The following MAST4 variants were observed in gnomAD, a reference collection of about 807,000 sequenced individuals.
MAST4 encodes the protein microtubule associated serine/threonine kinase family member 4.
Under a neutral mutation model 162.7 loss-of-function variants are expected in MAST4, and 89 were observed. The observed-to-expected ratio is 0.55, with a 90% confidence interval of 0.46 to 0.65. The LOEUF (loss-of-function observed/expected upper bound fraction) is 0.65. Among genes scored for constraint, MAST4 ranks in the 30% least tolerant of loss-of-function variants. MAST4 has a pLI of 0.00. For synonymous variants in MAST4, 1,479 were observed against 1,361.1 expected (o/e 1.09, Z -1.91); for missense variants, 3,153 against 3,374.0 (o/e 0.93, Z 1.62).
At chr5:66,863,162 G>C (rs775637206) in intron 3 of MAST4, among the ~76,000 whole-genome samples, 2 of 152,180 alleles carry the variant, frequency 1.3e-5, no homozygotes, top group African/African-American at 2.4e-5. Flanking sequence ...AAAAATCCCA[G>C]TGATTAGATA....
chr5:66,628,486 G>T (rs1744591746), intron 1 of MAST4, among the ~76,000 whole-genome samples: 1 of 152,094 alleles, frequency 6.6e-6, no homozygotes, highest in African/African-American at 2.4e-5. Context: ...ACGCACTCAG[G>T]CTGAATTCCT....
intron 4 of MAST4, among the ~76,000 whole-genome samples, chr5:67,033,671 A>T (rs1458157330): frequency 6.6e-6 from 1 of 152,070 alleles, no homozygotes; most frequent in African/African-American, 2.4e-5. Context: ...TGATAAGCTG[A>T]TTAACTTTGA....
chr5:66,845,462 G>A (rs530824881), intron 3 of MAST4, among the ~76,000 whole-genome samples: 191 of 152,092 alleles, frequency 1.3e-3, no homozygotes, highest in African/African-American at 4.3e-3. Context: ...TTTTATGGCT[G>A]CATAGTATTC....
At chr5:66,938,158 A>G (rs1742964793) in intron 4 of MAST4, among the ~76,000 whole-genome samples, 1 of 152,118 alleles carries the variant, frequency 6.6e-6, no homozygotes, top group African/African-American at 2.4e-5. Context: ...TAGAACTGTC[A>G]TATTGCCTAG....
At chr5:66,608,477 T>C (rs952915233) in intron 1 of MAST4, among the ~76,000 whole-genome samples, 1 of 150,326 alleles carries the variant, frequency 6.7e-6, no homozygotes, top group African/African-American at 2.5e-5. Flanking sequence ...CAGATAATGC[T>C]TACATAGGAA....
intron 4 of MAST4, among the ~76,000 whole-genome samples, chr5:66,997,403 T>C (rs1750774592): frequency 6.6e-6 from 1 of 151,684 alleles, no homozygotes; most frequent in Admixed American, 6.6e-5. Flanking sequence ...GGTAAATTGA[T>C]ACCTAATTAA....
intron 1 of MAST4, among the ~76,000 whole-genome samples, chr5:66,673,742 C>T (rs1411530196): frequency 1.3e-5 from 2 of 152,110 alleles, no homozygotes. Context: ...CCTGCCTCGG[C>T]CTCCCAGAGT....
intron 1 of MAST4, among the ~76,000 whole-genome samples, chr5:66,618,608 T>C (rs1268332971): frequency 6.6e-6 from 1 of 152,194 alleles, no homozygotes. Flanking sequence ...CCCTCTGTAT[T>C]GAAGGGAGAC....
chr5:66,889,360 A>G (rs888035912), intron 3 of MAST4, among the ~76,000 whole-genome samples: 1 of 152,216 alleles, frequency 6.6e-6, no homozygotes, highest in Non-Finnish European at 1.5e-5. Flanking sequence ...TAGGAAAAAA[A>G]GGAAATCACA....
At chr5:67,161,597 C>T (rs1211751821) in intron 27 of MAST4, among the ~76,000 whole-genome samples, 2 of 152,084 alleles carry the variant, frequency 1.3e-5, no homozygotes, top group Admixed American at 1.3e-4. Flanking sequence ...AAACATTTAG[C>T]AATATGTAGA....
At chr5:67,136,811 A>C in intron 19 of MAST4, 147 bp downstream of exon 19, 1 of 599,372 alleles carries the variant, frequency 1.7e-6, no homozygotes, top group African/African-American at 1.8e-5. Context: ...TTATAGCAAT[A>C]ATATTTTGGA....
intron 12 of MAST4, among the ~76,000 whole-genome samples, chr5:67,117,234 A>G (rs1356572098): frequency 6.6e-6 from 1 of 152,214 alleles, no homozygotes; most frequent in Non-Finnish European, 1.5e-5. Flanking sequence ...CCATAAATCT[A>G]AGATGCTAGT....
intron 1 of MAST4, among the ~76,000 whole-genome samples, chr5:66,657,782 A>G (rs1166927068): frequency 1.3e-5 from 2 of 152,180 alleles, no homozygotes; most frequent in Non-Finnish European, 2.9e-5. Flanking sequence ...TGCCGTGGTT[A>G]CTGATGGTTG....
Position 66,893,369 on chromosome 5 carries a change from C to A in MAST4, c.643-6582C>A, listed in dbSNP as rs1309371212. 2.0e-5 allele frequency among the ~76,000 whole-genome samples: 3 copies of A among 147,292 alleles called. No individual in the cohort carries two copies. In the East Asian group the frequency reaches 5.9e-4, roughly 29 times the overall value. ...CACAGGCACGTGCCACCACGCCCAG[C>A]TAATTTTTTTTTTTGTGTGTGTGTG... On this transcript the variant is annotated intron_variant, in intron 3 of 28. Coordinates refer to ENST00000403625, the MANE Select transcript of MAST4 (RefSeq NM_001164664.2).
rs573109766 is a variant in MAST4, at chr5:67,164,079, G to A, written c.4900G>A (p.Gly1634Arg). The A allele has an allele frequency of 9.6e-6, 15 of 1,569,702 alleles. No homozygotes were observed. Among genetic ancestry groups the A allele is most frequent in the Admixed American group, 1.8e-5 (1 of 54,408 alleles). Residue 1634 changes from glycine to arginine, a missense_variant, in exon 29 of 29, where the codon GGG (glycine) becomes AGG (arginine). By Grantham distance (125) the Gly-to-Arg change is moderately radical. Coordinates refer to ENST00000403625, the MANE Select transcript of MAST4 (RefSeq NM_001164664.2). This position sits in a 1 kb window ranked among gnomAD's most constrained non-coding sequence, Gnocchi z 5.3. Reference protein sequence around the residue: ...RVPAEHRQGGGDFRRAPAPGT... With the variant: ...RVPAEHRQGGRDFRRAPAPGT... ...GCCTGCGGAGCACCGCCAGGGTGGC[G>A]GGGACTTCAGACGGGCCCCCGCTCC...
At chr5:67,067,386 T>C (rs982481524) in intron 5 of MAST4, among the ~76,000 whole-genome samples, 3 of 152,206 alleles carry the variant, frequency 2.0e-5, no homozygotes, top group African/African-American at 7.2e-5. Context: ...ATATGATTGT[T>C]TAAATGGGAA....
At chr5:66,893,339 G>A (rs996065585) in intron 3 of MAST4, among the ~76,000 whole-genome samples, 3 of 152,068 alleles carry the variant, frequency 2.0e-5, no homozygotes, top group Non-Finnish European at 4.4e-5. Context: ...CTGAGTAGCT[G>A]GGACCACAGG....
At position 66,841,060 on chromosome 5, in the gene MAST4, C is replaced by T. The variant is rs115155918; in HGVS notation, c.642+52266C>T. 9.0e-3 allele frequency among the ~76,000 whole-genome samples: 1,363 copies of T among 152,242 alleles called. 24 individuals carry two copies. The highest frequency in any genetic ancestry group is 0.03 in the African/African-American group (1,264 of 41,532). ...CTTGGGCATGCTGTTTTCTTCTAAGCTTTATTTTGCCATCAATAAGATATA... is the reference window on the plus strand; with the variant it reads ...CTTGGGCATGCTGTTTTCTTCTAAGTTTTATTTTGCCATCAATAAGATATA... On this transcript the variant is annotated intron_variant, in intron 3 of 28. Transcript: ENST00000403625.
chr5:66,920,037 G>A (rs1163326485), intron 4 of MAST4, among the ~76,000 whole-genome samples: 1 of 150,778 alleles, frequency 6.6e-6, no homozygotes, highest in African/African-American at 2.4e-5. Context: ...ATGTGTGGAA[G>A]TTGAGCAGAT....
Sources: allele counts gnomAD v4.1 joint callset (sites outside exome capture counted in the v4.1 genomes callset), GRCh38; gene constraint gnomAD v4.1.1; non-coding constraint Gnocchi (gnomAD v3.1); transcripts MANE v1.5; gene names NCBI Gene and HGNC (gene_info 2026-07-23, HGNC 2026-07-21).